The following DCAF17 variants were observed in gnomAD, a reference collection of about 807,000 sequenced individuals.
DCAF17 encodes the protein DDB1 and CUL4 associated factor 17.
In DCAF17, 48 loss-of-function variants were observed where a neutral mutation model predicts 66.0. That is an observed-to-expected ratio of 0.73 (90% confidence interval 0.58 to 0.92). The LOEUF (loss-of-function observed/expected upper bound fraction) is 0.92. DCAF17 is among the 40% of genes least tolerant of loss of function. The probability of loss-of-function intolerance (pLI) is 0.00; values close to 1 mark genes in which losing one functional copy is unlikely to be tolerated. For synonymous variants in DCAF17, 206 were observed against 214.6 expected, an observed-to-expected ratio of 0.96 and a Z score of 0.35; for missense variants, 562 against 622.8, an observed-to-expected ratio of 0.90 and a Z score of 1.04.
chr2:171,480,783 A>G (rs553327446), intron 13 of DCAF17, among the ~76,000 whole-genome samples, 191 bp from the exon 14 acceptor site: 40 of 152,294 alleles, frequency 2.6e-4, no homozygotes, highest in African/African-American at 9.4e-4. Context: ...TATTCTCTAT[A>G]TTTTGTAGAA....
chr2:171,439,450 G>A (rs1462066322), intron 2 of DCAF17, among the ~76,000 whole-genome samples: 1 of 142,774 alleles, frequency 7.0e-6, no homozygotes, highest in Non-Finnish European at 1.5e-5. Flanking sequence ...ACTGATAACT[G>A]TTAAAGGCGT....
In DCAF17 at chr2:171,482,612, T is replaced by C. The variant is rs987288010; in HGVS notation, c.*1498T>C. ...CTGTGTAAAAGTAGAGTGTTCATTCTCCATTTCCAAGAGTGTTTCAGAATA... is the reference window on the plus strand; with the variant it reads ...CTGTGTAAAAGTAGAGTGTTCATTCCCCATTTCCAAGAGTGTTTCAGAATA... On this transcript the variant is annotated 3_prime_UTR_variant, in exon 14 of 14. Transcript: ENST00000375255. 7 of 453,972 alleles carry C rather than the reference T, an allele frequency of 1.5e-5. No individual in the cohort carries two copies. The highest frequency in any genetic ancestry group is 9.4e-5 in the Admixed American group (4 of 42,552). 28.1% of individuals were successfully genotyped at this position (453,972 alleles called of 1,614,324 possible).
rs1009436540 is a variant in DCAF17 at position 171,457,857 on chromosome 2, G to A, written c.628-114G>A. 1.1e-4 allele frequency: 98 copies of A among 863,006 alleles called. 1 individual carries two copies. Among genetic ancestry groups the A allele is most frequent in the Non-Finnish European group, 1.6e-4 (80 of 499,316 alleles). The allele number at this position is 863,006 out of a possible 1,614,324, so 53.5% of individuals were successfully genotyped here. Reference sequence around the variant, plus strand: ...TTATAATGAGGTTTTAATGCTAGGCGGCAGTGTTATCATAGTGACATGAAT... The same window carrying A: ...TTATAATGAGGTTTTAATGCTAGGCAGCAGTGTTATCATAGTGACATGAAT... On this transcript the variant is annotated intron_variant, in intron 6 of 13. Transcript: ENST00000375255.
In DCAF17 at chr2:171,483,917, AG is replaced by A. The variant is rs966716591; in HGVS notation, c.*2805del. On this transcript the variant is annotated 3_prime_UTR_variant, in exon 14 of 14. Transcript: ENST00000375255. Reference sequence around the variant, plus strand: ...CCAAATTTCCTCCAAAGTTCTCAAAAGGCAAGGCATGTTATTTTATCCCAAT... The same window carrying A: ...CCAAATTTCCTCCAAAGTTCTCAAAAGCAAGGCATGTTATTTTATCCCAAT... 1 of 454,144 alleles carries A rather than the reference AG, an allele frequency of 2.2e-6. No individual in the cohort carries two copies. Among genetic ancestry groups the A allele is most frequent in the Admixed American group, 2.3e-5 (1 of 42,566 alleles). The allele number at this position is 454,144 out of a possible 1,614,324, so 28.1% of individuals were successfully genotyped here. A position where few individuals can be genotyped will look rare whatever the true frequency, so the allele number is the denominator to read the frequency against.
In DCAF17 at chr2:171,478,135, A is replaced by C; in HGVS notation, c.1266+65A>C. On this transcript the variant is annotated intron_variant, in intron 12 of 13. Coordinates refer to ENST00000375255, the MANE Select transcript of DCAF17 (RefSeq NM_025000.4). Reference sequence around the variant, plus strand: ...TCCTTGCATTGTGAATTTCATATTAATACTTCCCCATATCCTGGGGTAGAG... The same window carrying C: ...TCCTTGCATTGTGAATTTCATATTACTACTTCCCCATATCCTGGGGTAGAG... The C allele has an allele frequency of 5.0e-6, 7 of 1,387,456 alleles. No homozygotes were observed. The Admixed American group carries it at 1.2e-4, about 23-fold the overall frequency. The allele number at this position is 1,387,456 out of a possible 1,614,324, so 85.9% of individuals were successfully genotyped here.
At chr2:171,458,174 C>A in intron 7 of DCAF17, 99 bp downstream of exon 7, 3 of 1,198,420 alleles carry the variant, frequency 2.5e-6, no homozygotes, top group African/African-American at 1.5e-5. Flanking sequence ...TAAGGCACTT[C>A]TGTAGATTTT....
At position 171,484,774 on chromosome 2, in the gene DCAF17, C is replaced by T. The variant is rs1214337446; in HGVS notation, c.*3660C>T. 2 of 453,932 alleles carry T rather than the reference C, an allele frequency of 4.4e-6. No homozygotes were observed. 28.1% of individuals were successfully genotyped at this position (453,932 alleles called of 1,614,324 possible). On this transcript the variant is annotated 3_prime_UTR_variant, in exon 14 of 14. Coordinates refer to ENST00000375255, the MANE Select transcript of DCAF17 (RefSeq NM_025000.4). ...CCTCCCCACCCCTCAGGTATAACTA[C>T]TGTTCTCATTCTTTTATATCAAAGG...
chr2:171,449,789 A>G (rs1694842421), intron 4 of DCAF17, 90 bp from the exon 5 acceptor site: 1 of 829,578 alleles, frequency 1.2e-6, no homozygotes, highest in Non-Finnish European at 1.8e-6. Flanking sequence ...AAATAACTAA[A>G]AAATAGTTTA....
intron 6 of DCAF17, 122 bp downstream of exon 6, chr2:171,453,335 CTT>C (rs1695064260): frequency 1.4e-6 from 1 of 727,460 alleles, no homozygotes. Context: ...AGTTCACTAA[CTT>C]GGTTTATTTT....
At chr2:171,476,548 A>AG (rs1432810967) in intron 10 of DCAF17, among the ~76,000 whole-genome samples, 1 of 152,210 alleles carries the variant, frequency 6.6e-6, no homozygotes, top group Non-Finnish European at 1.5e-5. Context: ...AGCATAGCAG[A>AG]GGTAAGGTTC....
intron 12 of DCAF17, among the ~76,000 whole-genome samples, chr2:171,479,265 C>G (rs1411380398): frequency 1.3e-5 from 2 of 152,188 alleles, no homozygotes; most frequent in African/African-American, 4.8e-5. Context: ...GGGAAACATG[C>G]TATGCCTGTC....
At chr2:171,480,318 T>A in intron 13 of DCAF17, 125 bp downstream of exon 13, 1 of 1,220,628 alleles carries the variant, frequency 8.2e-7, no homozygotes, top group Non-Finnish European at 1.2e-6. Flanking sequence ...GTGAAAGAGG[T>A]TTTGTCCTAT....
At chr2:171,458,324 A>G in intron 7 of DCAF17, 48 bp from the exon 8 acceptor site, 1 of 1,492,004 alleles carries the variant, frequency 6.7e-7, no homozygotes, top group South Asian at 1.1e-5. Flanking sequence ...TCCAGATATC[A>G]AATAAATAGG....
intron 6 of DCAF17, 97 bp downstream of exon 6, chr2:171,453,310 C>T (rs1171710997): frequency 2.2e-6 from 2 of 914,586 alleles, no homozygotes; most frequent in African/African-American, 1.7e-5. Context: ...TGGAAATGCT[C>T]CCCTCACTAT....
chr2:171,476,936 A>G lies in DCAF17; in HGVS notation c.1168A>G (p.Arg390Gly), dbSNP rs1696526090. ...ISEDFVILAN[R>G]ENHKNENVLT... ...TGAAGATTTTGTCATTTTGGCCAAC[A>G]GGGAGAACCATAAAGTAAGTCAAGA... Residue 390 changes from arginine (R) to glycine (G), a missense_variant, in exon 11 of 14, where the codon AGG becomes GGG. Physicochemically the swap from Arg to Gly is moderately radical, Grantham distance 125 (BLOSUM62 -2). Coordinates refer to ENST00000375255, the MANE Select transcript of DCAF17 (RefSeq NM_025000.4). 1 of 1,612,434 alleles carries G rather than the reference A, an allele frequency of 6.2e-7. No homozygotes were observed. The highest frequency in any genetic ancestry group is 1.1e-5 in the South Asian group (1 of 91,048).
intron 12 of DCAF17, among the ~76,000 whole-genome samples, chr2:171,479,289 C>G (rs1057204204): frequency 6.6e-6 from 1 of 152,164 alleles, no homozygotes; most frequent in African/African-American, 2.4e-5. Context: ...AAAGTTGATG[C>G]CAGGCATTCA....
At chr2:171,478,460 A>G (rs903313566) in intron 12 of DCAF17, among the ~76,000 whole-genome samples, 1 of 152,148 alleles carries the variant, frequency 6.6e-6, no homozygotes, top group Admixed American at 6.5e-5. Context: ...CTAGACTTGA[A>G]TATGTTTGTT....
chr2:171,467,791 G>A (rs946805915), intron 8 of DCAF17, among the ~76,000 whole-genome samples: 1 of 150,560 alleles, frequency 6.6e-6, no homozygotes, highest in East Asian at 1.9e-4. Flanking sequence ...GGGGATTGGT[G>A]CCCCTAACCC....
rs142353487 is a variant in DCAF17, at chr2:171,439,907, G to C, written c.231-3616G>C. Among the ~76,000 whole-genome samples the C allele has an allele frequency of 1.5e-3, 225 of 152,182 alleles. 4 individuals carry two copies. The East Asian group carries it at 0.017, about 11-fold the overall frequency. On this transcript the variant is annotated intron_variant, in intron 2 of 13. Transcript: ENST00000375255. ...TGCATGCCACTGCACTCCAGCCTGG[G>C]TAACAGAGCGAGACTCAAAAAAGAA...
Sources: gnomAD v4.1 joint callset for allele counts (sites outside exome capture counted in the v4.1 genomes callset) on GRCh38, gnomAD v4.1.1 for gene constraint, MANE v1.5 for transcripts, NCBI Gene and HGNC (gene_info 2026-07-23, HGNC 2026-07-21) for gene names.